The following ZNF91 variants were observed in gnomAD, a reference collection of about 807,000 sequenced individuals.
ZNF91 encodes the protein zinc finger protein 91 (HPF7, HTF10).
Under a neutral mutation model 12.6 loss-of-function variants are expected in ZNF91, and 7 were observed. That is an observed-to-expected ratio of 0.55 (90% CI 0.31 to 1.04). The LOEUF (loss-of-function observed/expected upper bound fraction) is 1.04, where lower values mean the gene tolerates loss of function less well. Among genes scored for constraint, ZNF91 ranks in the 50% least tolerant of loss-of-function variants. The pLI is 0.05. For synonymous variants in ZNF91, 453 were observed against 462.6 expected (o/e 0.98, Z 0.27); for missense variants, 1,217 against 1,385.4 (o/e 0.88, Z 1.93).
chr19:23,368,544 C>A (rs1274488661), intron 3 of ZNF91, among the ~76,000 whole-genome samples: 36 of 117,404 alleles, frequency 3.1e-4, no homozygotes, highest in South Asian at 2.4e-3. Flanking sequence ...CTCTCTCTCT[C>A]TCTCTCTCTC....
At chr19:23,368,484 C>T (rs1352767718) in intron 3 of ZNF91, among the ~76,000 whole-genome samples, 2 of 149,250 alleles carry the variant, frequency 1.3e-5, no homozygotes, top group Non-Finnish European at 3.0e-5. Flanking sequence ...CATTACACTC[C>T]AGCCTGGGTG....
intron 3 of ZNF91, among the ~76,000 whole-genome samples, chr19:23,346,653 C>G (rs1453395173): frequency 1.3e-5 from 2 of 152,126 alleles, no homozygotes; most frequent in African/African-American, 4.8e-5. Context: ...GTGTTCTAAC[C>G]TAGTATAAGG....
intron 1 of ZNF91, 98 bp from the exon 2 acceptor site, chr19:23,374,862 C>T: frequency 6.4e-7 from 1 of 1,551,016 alleles, no homozygotes; most frequent in South Asian, 1.2e-5. Flanking sequence ...AGAACTGGTT[C>T]TGACTTATAA....
intron 1 of ZNF91, among the ~76,000 whole-genome samples, chr19:23,323,707 TCC>T (rs1967770332): frequency 8.4e-6 from 1 of 118,458 alleles, no homozygotes; most frequent in Non-Finnish European, 1.7e-5. Context: ...TATCCTCTCC[TCC>T]TTCTTTTCTT....
Position 23,359,275 on chromosome 19 carries a change from T to C in ZNF91, c.*128A>G. The C allele has an allele frequency of 2.0e-6, 1 of 509,136 alleles. No individual in the cohort carries two copies. 31.5% of individuals were successfully genotyped at this position (509,136 alleles called of 1,614,324 possible). A position where few individuals can be genotyped will look rare whatever the true frequency, so the allele number is the denominator to read the frequency against. ...TCTCGCTCTGTCGCCCAGGCTTGAG[T>C]GCAGTGGCGTGATCTCGGCTCACTG... On this transcript the variant is annotated 3_prime_UTR_variant, in exon 4 of 4. Coordinates refer to ENST00000300619, the MANE Select transcript of ZNF91 (RefSeq NM_003430.4).
intron 3 of ZNF91, among the ~76,000 whole-genome samples, chr19:23,340,304 A>T (rs1009995493): frequency 1.4e-4 from 22 of 152,198 alleles, no homozygotes; most frequent in African/African-American, 5.3e-4. Context: ...AACCACAAAT[A>T]GAATAGAAAT....
At chr19:23,386,891 T>C (rs1215820669) in intron 1 of ZNF91, among the ~76,000 whole-genome samples, 1 of 152,050 alleles carries the variant, frequency 6.6e-6, no homozygotes, top group East Asian at 1.9e-4. Context: ...TAATAGAAAA[T>C]ATTTGCAAAC....
rs994011853 is a variant in ZNF91 at position 23,360,723 on chromosome 19, G to A, written c.2256C>T (p.Asn752=). The A allele has an allele frequency of 1.2e-6, 2 of 1,612,676 alleles. No homozygotes were observed. The highest frequency in any genetic ancestry group is 2.7e-5 in the African/African-American group (2 of 74,492). Residue 752 remains asparagine (N), a synonymous_variant, in exon 4 of 4, where the codon AAC becomes AAT. Coordinates refer to ENST00000300619, the MANE Select transcript of ZNF91 (RefSeq NM_003430.4). ...TATGTTTAGTAAGGCTTGAGGACCA[G>A]TTAAATGCTTTGCCACATTCTTCAC... ...YKCEECGKAF[N]WSSSLTKHKR...
At chr19:23,385,076 A>T (rs1347973905) in intron 1 of ZNF91, 4 of 1,007,360 alleles carry the variant, frequency 4.0e-6, no homozygotes, top group Non-Finnish European at 6.3e-6. Context: ...CAGTCCAGAC[A>T]GGGCAGGGAC....
At chr19:23,331,536 G>A (rs931173067) in intron 1 of ZNF91, among the ~76,000 whole-genome samples, 5 of 152,216 alleles carry the variant, frequency 3.3e-5, no homozygotes, top group Non-Finnish European at 5.9e-5. Flanking sequence ...CAGAATGAGA[G>A]TGTGTGTGTA....
chr19:23,328,525 T>A, intron 1 of ZNF91: 1 of 152,066 alleles, frequency 6.6e-6, no homozygotes, highest in East Asian at 1.9e-4. Context: ...AATGATGAAG[T>A]AGATAGGGGC....
exon 2 of ZNF91, chr19:23,309,072 T>G (rs1244943238): frequency 6.7e-6 from 1 of 149,886 alleles, no homozygotes. Flanking sequence ...ATCTAGATGA[T>G]GTGACTCTTC....
At chr19:23,375,335 A>G (rs1415499517) in intron 1 of ZNF91, among the ~76,000 whole-genome samples, 1 of 151,802 alleles carries the variant, frequency 6.6e-6, no homozygotes, top group Non-Finnish European at 1.5e-5. Context: ...AATTTTTTGT[A>G]TTTTTAGTAG....
chr19:23,309,530 T>C (rs937301026), intron 1 of ZNF91, among the ~76,000 whole-genome samples: 5 of 152,188 alleles, frequency 3.3e-5, no homozygotes, highest in Non-Finnish European at 7.3e-5. Flanking sequence ...GTGATGTGTC[T>C]CTTTTTTCTG....
intron 1 of ZNF91, among the ~76,000 whole-genome samples, chr19:23,376,944 GCAC>G (rs1969524495): frequency 6.6e-6 from 1 of 151,966 alleles, no homozygotes; most frequent in Non-Finnish European, 1.5e-5. Flanking sequence ...AATAATTTGA[GCAC>G]ATGTTTACCT....
intron 1 of ZNF91, among the ~76,000 whole-genome samples, chr19:23,391,551 C>T (rs1970065582): frequency 6.6e-6 from 1 of 152,202 alleles, no homozygotes; most frequent in Admixed American, 6.5e-5. Context: ...ATAGTCACTA[C>T]TTCCTCCTGT....
Position 23,359,134 on chromosome 19 carries a change from T to C in ZNF91, c.*269A>G. Reference sequence around the variant, plus strand: ...ACATTTGTAGAGTTTTACTCCAGTATGAATTACCTTATGTTTAGTAAAGGT... The same window carrying C: ...ACATTTGTAGAGTTTTACTCCAGTACGAATTACCTTATGTTTAGTAAAGGT... On this transcript the variant is annotated 3_prime_UTR_variant, in exon 4 of 4. Transcript: ENST00000300619. The C allele has an allele frequency of 1.8e-6, 1 of 544,816 alleles. No homozygotes were observed. Among genetic ancestry groups the C allele is most frequent in the Non-Finnish European group, 3.5e-6 (1 of 288,426 alleles). 33.7% of individuals were successfully genotyped at this position (544,816 alleles called of 1,614,324 possible). A position where few individuals can be genotyped will look rare whatever the true frequency, so the allele number is the denominator to read the frequency against.
At chr19:23,373,890 A>G (rs1969398057) in intron 2 of ZNF91, 53 bp from the exon 3 acceptor site, 1 of 1,365,784 alleles carries the variant, frequency 7.3e-7, no homozygotes, top group Non-Finnish European at 1.0e-6. Flanking sequence ...TCCACCTGCC[A>G]ACTTAGTAAT....
intron 1 of ZNF91, among the ~76,000 whole-genome samples, chr19:23,381,606 G>A (rs756112510): frequency 5.3e-5 from 8 of 151,726 alleles, no homozygotes; most frequent in African/African-American, 1.7e-4. Flanking sequence ...GATTACAGGC[G>A]TGCGCCACCA....
Sources: gnomAD v4.1 joint callset for allele counts (sites outside exome capture counted in the v4.1 genomes callset) on GRCh38, gnomAD v4.1.1 for gene constraint, MANE v1.5 for transcripts, NCBI Gene and HGNC (gene_info 2026-07-23, HGNC 2026-07-21) for gene names.